SAMD3: variants seen among roughly 807,000 people sequenced by gnomAD.
The protein encoded by SAMD3 is sterile alpha motif domain containing 3, also known as sterile alpha motif domain-containing protein 3.
A neutral mutation model predicts 58.5 loss-of-function variants in SAMD3; 63 were observed. The ratio of observed to expected loss-of-function variants is 1.08; its 90% CI spans 0.88 to 1.33. The LOEUF (loss-of-function observed/expected upper bound fraction) is 1.33, where lower values mean the gene tolerates loss of function less well. SAMD3 is among the 40% of genes most tolerant of loss of function. SAMD3 has a pLI of 0.00. For synonymous variants in SAMD3, 220 were observed against 210.3 expected (o/e 1.05, Z -0.40); for missense variants, 604 against 608.4 (o/e 0.99, Z 0.08).
At position 130,215,222 on chromosome 6, in the gene SAMD3, A is replaced by C; in HGVS notation, c.52T>G (p.Leu18Val). Residue 18 changes from leucine (L) to valine (V), a missense_variant, in exon 3 of 12, where the codon TTA (leucine) becomes GTA (valine). Transcript: ENST00000439090. Reference protein sequence around the residue: ...QVCSWLVEKNLGELVHRFQEE... With the variant: ...QVCSWLVEKNVGELVHRFQEE... ...TGAAATCTATGAACTAGCTCTCCTA[A>C]ATTTTTCTCCACCAACCAACTGCAG... 2.5e-6 allele frequency: 4 copies of C among 1,609,386 alleles called. No individual in the cohort carries two copies. The highest frequency in any genetic ancestry group is 3.4e-6 in the Non-Finnish European group (4 of 1,176,400).
intron 2 of SAMD3, among the ~76,000 whole-genome samples, chr6:130,270,778 T>G (rs369652733): frequency 9.2e-5 from 14 of 152,328 alleles, no homozygotes; most frequent in African/African-American, 3.4e-4. Flanking sequence ...GCCAGTCTTT[T>G]ACTCATGGAT....
At chr6:130,338,118 G>C (rs1777157450) in intron 1 of SAMD3, among the ~76,000 whole-genome samples, 1 of 152,202 alleles carries the variant, frequency 6.6e-6, no homozygotes, top group Admixed American at 6.5e-5. Flanking sequence ...GTAGCCTGGG[G>C]ACTTGGTGCC....
At chr6:130,336,225 A>G (rs1357361452) in intron 1 of SAMD3, among the ~76,000 whole-genome samples, 1 of 152,242 alleles carries the variant, frequency 6.6e-6, no homozygotes, top group African/African-American at 2.4e-5. Context: ...TACATAAATT[A>G]TCTCTTTAAT....
chr6:130,295,151 G>A (rs564136483), intron 2 of SAMD3, among the ~76,000 whole-genome samples: 1 of 152,034 alleles, frequency 6.6e-6, no homozygotes, highest in East Asian at 1.9e-4. Context: ...TCGAACTCCC[G>A]ACCTCAGGTG....
intron 1 of SAMD3, 78 bp from the exon 2 acceptor site, chr6:130,216,694 A>G (rs1796022806): frequency 6.6e-6 from 1 of 152,226 alleles, no homozygotes; most frequent in South Asian, 2.1e-4. Context: ...AAAATTGAAA[A>G]CAAGGGTTAA....
At chr6:130,230,019 GT>G in intron 2 of SAMD3, among the ~76,000 whole-genome samples, 1 of 152,266 alleles carries the variant, frequency 6.6e-6, no homozygotes, top group East Asian at 1.9e-4. Flanking sequence ...ACTATAAAAT[GT>G]TTTACAGCAA....
At chr6:130,315,670 C>G (rs1342312122) in intron 1 of SAMD3, among the ~76,000 whole-genome samples, 1 of 151,930 alleles carries the variant, frequency 6.6e-6, no homozygotes, top group Non-Finnish European at 1.5e-5. Flanking sequence ...TAGTAACTTA[C>G]CTGTTATTCC....
intron 1 of SAMD3, chr6:130,313,124 G>A (rs1340386453): frequency 4.6e-5 from 7 of 152,170 alleles, no homozygotes; most frequent in African/African-American, 9.7e-5. Flanking sequence ...AAGACTCACC[G>A]CCAAAGTTGG....
At position 130,280,047 on chromosome 6, in the gene SAMD3, C is replaced by T. The variant is rs144982361; in HGVS notation, c.-188+32931G>A. Among the ~76,000 whole-genome samples, 318 of 152,220 alleles carry T rather than the reference C, an allele frequency of 2.1e-3. 1 individual carries two copies. Among genetic ancestry groups the T allele is most frequent in the African/African-American group, 7.3e-3 (304 of 41,528 alleles). Reference sequence around the variant, plus strand: ...AAAATAAAAAACCACTCAAAACAAACTAAAACTTTGCTTTAGGCTATTTTT... The same window carrying T: ...AAAATAAAAAACCACTCAAAACAAATTAAAACTTTGCTTTAGGCTATTTTT... On this transcript the variant is annotated intron_variant, in intron 2 of 13. Coordinates refer to the SAMD3 transcript ENST00000368134.
At chr6:130,334,738 C>T (rs934718351) in intron 1 of SAMD3, among the ~76,000 whole-genome samples, 15 of 152,140 alleles carry the variant, frequency 9.9e-5, no homozygotes, top group African/African-American at 3.6e-4. Context: ...TGGTTTCTTC[C>T]CCCTTACTCA....
At chr6:130,351,972 CA>C (rs914972850) in intron 1 of SAMD3, among the ~76,000 whole-genome samples, 9 of 149,956 alleles carry the variant, frequency 6.0e-5, no homozygotes, top group African/African-American at 2.0e-4. Flanking sequence ...GACAAAAAAC[CA>C]AACACCGCAT....
chr6:130,243,361 C>CACCTCT (rs998747679), intron 2 of SAMD3, among the ~76,000 whole-genome samples: 1 of 152,140 alleles, frequency 6.6e-6, no homozygotes, highest in African/African-American at 2.4e-5. Flanking sequence ...AAGCAGAAGA[C>CACCTCT]ACCTCTACCT....
chr6:130,233,864 G>T (rs1796612862), intron 2 of SAMD3, among the ~76,000 whole-genome samples: 3 of 152,078 alleles, frequency 2.0e-5, no homozygotes, highest in Non-Finnish European at 4.4e-5. Context: ...TTAAAAAGTG[G>T]GGTTTATGGA....
chr6:130,216,658 A>G (rs948463021), intron 1 of SAMD3, 42 bp from the exon 2 acceptor site: 2 of 152,244 alleles, frequency 1.3e-5, no homozygotes, highest in African/African-American at 2.4e-5. Flanking sequence ...CCCCATAATC[A>G]TAAGTGTTCA....
At chr6:130,273,653 A>G (rs1185890489) in intron 2 of SAMD3, among the ~76,000 whole-genome samples, 6 of 141,946 alleles carry the variant, frequency 4.2e-5, no homozygotes, top group African/African-American at 1.6e-4. Context: ...TCTTTTTTGT[A>G]TCTTCTGTAT....
chr6:130,308,313 T>C (rs755612912), intron 2 of SAMD3, among the ~76,000 whole-genome samples: 4 of 151,716 alleles, frequency 2.6e-5, no homozygotes, highest in Non-Finnish European at 4.4e-5. Context: ...GAGGTCCTCA[T>C]TGTATCTCAA....
intron 5 of SAMD3, among the ~76,000 whole-genome samples, chr6:130,206,430 G>C (rs1165407092): frequency 6.6e-6 from 1 of 152,214 alleles, no homozygotes; most frequent in Non-Finnish European, 1.5e-5. Context: ...CAACCCGTGA[G>C]AAAAGTAGGG....
chr6:130,155,121 G>A (rs2114588881), intron 8 of SAMD3, 96 bp from the exon 9 acceptor site: 1 of 860,022 alleles, frequency 1.2e-6, no homozygotes, highest in East Asian at 2.5e-5. Context: ...TTCCTAAGGT[G>A]AGTATCACCA....
intron 2 of SAMD3, among the ~76,000 whole-genome samples, chr6:130,265,785 C>A (rs1283830217): frequency 6.6e-6 from 1 of 151,840 alleles, no homozygotes; most frequent in Non-Finnish European, 1.5e-5. Flanking sequence ...AAAAGAGGTG[C>A]CCAAATGAAT....
Sources: gnomAD v4.1 joint callset for allele counts (sites outside exome capture counted in the v4.1 genomes callset) on GRCh38, gnomAD v4.1.1 for gene constraint, MANE v1.5 for transcripts, NCBI Gene and HGNC (gene_info 2026-07-23, HGNC 2026-07-21) for gene names.